ANK2: variants seen among roughly 807,000 people sequenced by gnomAD.
ANK2 encodes the protein ankyrin 2.
Under a neutral mutation model 360.5 loss-of-function variants are expected in ANK2, and 83 were observed. The ratio of observed to expected loss-of-function variants is 0.23; its 90% CI spans 0.19 to 0.28. ANK2 has a LOEUF of 0.28. ANK2 is among the 10% of genes least tolerant of loss of function. ANK2 has a pLI of 1.00. For missense variants in ANK2, 4,201 were observed against 4,795.7 expected, an observed-to-expected ratio of 0.88 and a Z score of 3.66; for synonymous variants, 1,740 against 1,759.5, an observed-to-expected ratio of 0.99 and a Z score of 0.28.
chr4:113,197,587 A>T (rs1280724809), intron 3 of ANK2, among the ~76,000 whole-genome samples: 1 of 152,196 alleles, frequency 6.6e-6, no homozygotes, highest in Non-Finnish European at 1.5e-5. Flanking sequence ...AAACAAACAA[A>T]CAAAAAAGTA....
chr4:112,899,025 G>A (rs1270738462), intron 1 of ANK2, among the ~76,000 whole-genome samples: 2 of 152,150 alleles, frequency 1.3e-5, no homozygotes, highest in Admixed American at 6.6e-5. Context: ...CTTAGGGAAG[G>A]GAAAGGCATT....
At position 113,382,921 on chromosome 4, in the gene ANK2, T is replaced by C. The variant is rs1240219796; in HGVS notation, c.*1450T>C. 6.6e-6 allele frequency: 1 copy of C among 152,604 alleles called. No individual in the cohort carries two copies. The highest frequency in any genetic ancestry group is 2.4e-5 in the African/African-American group (1 of 41,468). 9.5% of individuals were successfully genotyped at this position (152,604 alleles called of 1,614,324 possible). ...AGTGCATTTGTGCACTTCTGTTTGT[T>C]TGTCTCAAAGAAGGGACTGTAACAA... On this transcript the variant is annotated 3_prime_UTR_variant, in exon 46 of 46. Coordinates refer to ENST00000357077, the MANE Select transcript of ANK2 (RefSeq NM_001148.6).
In ANK2 at chr4:113,358,003, T is replaced by C. The variant is rs781356362; in HGVS notation, c.9385T>C (p.Phe3129Leu). 2 of 1,613,980 alleles carry C rather than the reference T, an allele frequency of 1.2e-6. No individual in the cohort carries two copies. Among genetic ancestry groups the C allele is most frequent in the Non-Finnish European group, 1.7e-6 (2 of 1,179,966 alleles). Reference sequence around the variant, plus strand: ...CAAAAGGTCCTATGCAGATGAAAGTTTTCACTTTTTCCAAATTGGTCAAGA... The same window carrying C: ...CAAAAGGTCCTATGCAGATGAAAGTCTTCACTTTTTCCAAATTGGTCAAGA... Reference protein sequence around the residue: ...MTKRSYADESFHFFQIGQESR... With the variant: ...MTKRSYADESLHFFQIGQESR... The change falls in exon 38 of 46, where the codon TTT (phenylalanine) becomes CTT (leucine). Residue 3129 changes from phenylalanine (F) to leucine (L), a missense_variant. Phe to Leu is a conservative substitution (Grantham distance 22). Around this residue, in one of 4 missense-constraint regions of ANK2, gnomAD observed 2,642 missense variants for 2,714.5 expected, o/e 0.97. Transcript: ENST00000357077.
chr4:112,783,177 G>A, the ANK2 span, among the ~76,000 whole-genome samples: 3,218 of 152,286 alleles, frequency 0.021, 124 homozygotes, highest in African/African-American at 0.074. Context: ...CCAAAGTGCC[G>A]GGATTATAGG....
At chr4:112,811,525 C>T in the ANK2 span, among the ~76,000 whole-genome samples, 3 of 152,078 alleles carry the variant, frequency 2.0e-5, no homozygotes, top group South Asian at 6.2e-4. Context: ...GGGGAAATTA[C>T]TAGATCTCTC....
At position 113,240,588 on chromosome 4, in the gene ANK2, G is replaced by A; in HGVS notation, c.792+5G>A. ...GCTGTGGACTTCACAGCCAGGGTAT[G>A]GATTGAAATAGTTTCTCATTCTAGA... On this transcript the variant is annotated splice_donor_5th_base_variant and intron_variant, in intron 8 of 45. Transcript: ENST00000357077. 1.2e-6 allele frequency: 2 copies of A among 1,602,842 alleles called. No homozygotes were observed. The highest frequency in any genetic ancestry group is 2.2e-5 in the South Asian group (2 of 90,888).
chr4:112,738,234 G>T, the ANK2 span, among the ~76,000 whole-genome samples: 4 of 151,940 alleles, frequency 2.6e-5, no homozygotes, highest in African/African-American at 4.8e-5. Flanking sequence ...ACATGGCGAA[G>T]CCCCGTCTCT....
At chr4:113,076,791 G>A (rs2080200822) in intron 1 of ANK2, among the ~76,000 whole-genome samples, 1 of 124,456 alleles carries the variant, frequency 8.0e-6, no homozygotes, top group Non-Finnish European at 1.7e-5. Flanking sequence ...GTAAGACCCT[G>A]TCTCAAAAAA....
chr4:112,858,229 C>T (rs1410396630), intron 1 of ANK2, among the ~76,000 whole-genome samples: 3 of 126,958 alleles, frequency 2.4e-5, no homozygotes, highest in Admixed American at 1.7e-4. Context: ...TAGTAAGTGA[C>T]AATATTACTG....
At chr4:113,274,879 A>G (rs1212476115) in intron 15 of ANK2, among the ~76,000 whole-genome samples, 3 of 152,206 alleles carry the variant, frequency 2.0e-5, no homozygotes, top group African/African-American at 7.2e-5. Context: ...TGTTTCTAGG[A>G]CAGGTATCTA....
chr4:113,117,686 C>T (rs2094955184), intron 1 of ANK2, among the ~76,000 whole-genome samples: 1 of 152,072 alleles, frequency 6.6e-6, no homozygotes, highest in Admixed American at 6.6e-5. Context: ...TATTTAATCT[C>T]AAAGCTAGGT....
intron 1 of ANK2, among the ~76,000 whole-genome samples, chr4:112,847,014 A>T (rs1165204721): frequency 6.6e-6 from 1 of 152,210 alleles, no homozygotes; most frequent in African/African-American, 2.4e-5. Flanking sequence ...ATCGATGAGG[A>T]TATAGTCACA....
the ANK2 span, among the ~76,000 whole-genome samples, chr4:112,786,222 T>G: frequency 6.7e-6 from 1 of 149,776 alleles, no homozygotes; most frequent in Admixed American, 6.7e-5. Flanking sequence ...TACTTCCTGC[T>G]GACAGGTTTG....
intron 25 of ANK2, 80 bp from the exon 26 acceptor site, chr4:113,318,437 T>C: frequency 8.8e-7 from 1 of 1,142,492 alleles, no homozygotes; most frequent in Non-Finnish European, 1.3e-6. Context: ...TTTCCAGTGA[T>C]GACACTTTTT....
intron 1 of ANK2, chr4:113,160,265 A>C (rs749520573): frequency 1.4e-5 from 5 of 353,094 alleles, no homozygotes; most frequent in Non-Finnish European, 2.7e-5. Flanking sequence ...GGGTCTCACT[A>C]TGTTGTCAAG....
intron 2 of ANK2, among the ~76,000 whole-genome samples, chr4:112,972,232 T>C (rs1462142097): frequency 2.0e-5 from 3 of 152,160 alleles, no homozygotes; most frequent in African/African-American, 7.2e-5. Flanking sequence ...AATGTGCAGG[T>C]TTGTTACATA....
chr4:112,833,523 A>G (rs1469349724), intron 1 of ANK2, among the ~76,000 whole-genome samples: 2 of 75,228 alleles, frequency 2.7e-5, no homozygotes, highest in Non-Finnish European at 4.9e-5. Context: ...TTTTTTTTTG[A>G]GAGGGAGTCT....
intron 1 of ANK2, among the ~76,000 whole-genome samples, chr4:113,081,700 TA>T (rs888705443): frequency 2.6e-5 from 4 of 152,348 alleles, no homozygotes; most frequent in African/African-American, 2.4e-5. Context: ...TTTACAAAGC[TA>T]TTTTTTTTAG....
intron 2 of ANK2, among the ~76,000 whole-genome samples, chr4:112,933,237 A>G (rs2093416967): frequency 6.6e-6 from 1 of 152,226 alleles, no homozygotes; most frequent in East Asian, 1.9e-4. Flanking sequence ...TAAAAAATTA[A>G]GTGAAGACAA....
Sources: gnomAD v4.1 joint callset for allele counts (sites outside exome capture counted in the v4.1 genomes callset) on GRCh38, gnomAD v4.1.1 for gene constraint, gnomAD v4.1.1 regional missense constraint, MANE v1.5 for transcripts, NCBI Gene and HGNC (gene_info 2026-07-23, HGNC 2026-07-21) for gene names.